ZNF223: variants seen among roughly 807,000 people sequenced by gnomAD.
ZNF223 encodes Homo sapiens zinc finger protein 223.
In ZNF223, 9 loss-of-function variants were observed where a neutral mutation model predicts 12.3. The ratio of observed to expected loss-of-function variants is 0.73; its 90% CI spans 0.44 to 1.28. The LOEUF is 1.28. Ranked by LOEUF, ZNF223 falls within the 50% of genes most tolerant of loss-of-function variation. ZNF223 has a pLI of 0.00. For missense variants in ZNF223, 506 were observed against 579.0 expected (o/e 0.87, Z 1.29); for synonymous variants, 171 against 195.2 (o/e 0.88, Z 1.03).
rs1300021733 is a variant in ZNF223, at chr19:44,055,031, A to T, written c.-68-78A>T. On this transcript the variant is annotated intron_variant, in intron 1 of 4. Coordinates refer to ENST00000434772, the MANE Select transcript of ZNF223 (RefSeq NM_013361.6). ...TGTGAGCGTTCATGTGCTAATTGAC[A>T]ATATGAGTCCTTGTTGGTGGGTGAC... The T allele has an allele frequency of 4.6e-6, 3 of 654,828 alleles. No homozygotes were observed. In the East Asian group the frequency reaches 7.9e-5, roughly 17 times the overall value. 40.6% of individuals were successfully genotyped at this position (654,828 alleles called of 1,614,324 possible).
At position 44,066,814 on chromosome 19, in the gene ZNF223, TG is replaced by T; in HGVS notation, c.988del (p.Asp330IlefsTer31). Reference protein sequence around the residue: ...GEYGKGFIRRLDLCKHQTIHT... With the variant: ...GEYGKGFIRRXDLCKHQTIHT... ...TATGGAAAAGGCTTCATTCGTAGGCTGGATTTGTGTAAGCATCAGACGATCC... is the reference window on the plus strand; with the variant it reads ...TATGGAAAAGGCTTCATTCGTAGGCTGATTTGTGTAAGCATCAGACGATCC... On this transcript the variant is annotated frameshift_variant, in exon 5 of 5. Coordinates refer to ENST00000434772, the MANE Select transcript of ZNF223 (RefSeq NM_013361.6). LOFTEE classifies it low-confidence loss of function (END_TRUNC). The T allele has an allele frequency of 6.2e-7, 1 of 1,614,064 alleles. No individual in the cohort carries two copies. The highest frequency in any genetic ancestry group is 8.5e-7 in the Non-Finnish European group (1 of 1,179,998).
chr19:44,066,744 CA>C lies in ZNF223; in HGVS notation c.917del (p.His306LeufsTer55), dbSNP rs768463152. The stretch of plus-strand genomic sequence containing the variant: ...CCGTCTTAGGTCAAGTCTTAATAGG[CA>C]TTGTGTGGTCCACACAGGAAAGAAA... ...SFRLRSSLNRHCVVHTGKKPN... is the reference protein window; with the variant it reads ...SFRLRSSLNRXCVVHTGKKPN... On this transcript the variant is annotated frameshift_variant, in exon 5 of 5. Coordinates refer to ENST00000434772, the MANE Select transcript of ZNF223 (RefSeq NM_013361.6). LOFTEE classifies it low-confidence loss of function (END_TRUNC). The C allele has an allele frequency of 8.7e-6, 14 of 1,614,210 alleles. No individual in the cohort carries two copies. Among genetic ancestry groups the C allele is most frequent in the Middle Eastern group, 1.6e-4 (1 of 6,062 alleles).
In ZNF223 at chr19:44,067,273, C is replaced by T. The variant is rs748434774; in HGVS notation, c.1445C>T (p.Thr482Met). ...ATTTTATCATTATTTTTAAATGACA[C>T]GTAAGTGTTGTACATATTTATGGGG... ...DIILSLFLND[T>M] The change falls in exon 5 of 5, where the codon ACG becomes ATG. Residue 482 changes from threonine (T) to methionine (M), a missense_variant. By Grantham distance (81) the Thr-to-Met change is moderately conservative (BLOSUM62 -1). Coordinates refer to ENST00000434772, the MANE Select transcript of ZNF223 (RefSeq NM_013361.6). 38 of 1,607,770 alleles carry T rather than the reference C, an allele frequency of 2.4e-5. No homozygotes were observed. Among genetic ancestry groups the T allele is most frequent in the South Asian group, 2.2e-4 (20 of 90,106 alleles).
rs1212870445 is a variant in ZNF223 at position 44,066,140 on chromosome 19, G to A, written c.312G>A (p.Trp104Ter). The A allele has an allele frequency of 6.2e-7, 1 of 1,614,068 alleles. No individual in the cohort carries two copies. Among genetic ancestry groups the A allele is most frequent in the East Asian group, 2.2e-5 (1 of 44,874 alleles). The change falls in exon 5 of 5, where the codon TGG (tryptophan) becomes TGA (stop). Residue 104 changes from tryptophan (W) to a stop codon, truncating the protein, a stop_gained. Coordinates refer to ENST00000434772, the MANE Select transcript of ZNF223 (RefSeq NM_013361.6). LOFTEE classifies it low-confidence loss of function (END_TRUNC). ...AAGGGTGGTCCTGCCAGCAGATCTG[G>A]GAAGAAATTGCAAGTGATTTAACCA... ...PHEGWSCQQI[W>*]EEIASDLTRP...
At chr19:44,056,360 A>AC (rs1451887068) in intron 2 of ZNF223, among the ~76,000 whole-genome samples, 256 of 70,684 alleles carry the variant, frequency 3.6e-3, no homozygotes, top group African/African-American at 0.013. Context: ...TACTAAAAAT[A>AC]CAAAAAAAAA....
Position 44,067,767 on chromosome 19 carries a change from G to T in ZNF223, c.*490G>T. Reference sequence around the variant, plus strand: ...GAGACAGGTCTTAGTATAAGAGTTTGTTCACACACTTTCAAAACACTAATG... The same window carrying T: ...GAGACAGGTCTTAGTATAAGAGTTTTTTCACACACTTTCAAAACACTAATG... On this transcript the variant is annotated 3_prime_UTR_variant, in exon 5 of 5. Transcript: ENST00000434772. 8.4e-6 allele frequency: 2 copies of T among 236,706 alleles called. No homozygotes were observed. Among genetic ancestry groups the T allele is most frequent in the East Asian group, 1.0e-4 (1 of 9,854 alleles). 14.7% of individuals were successfully genotyped at this position (236,706 alleles called of 1,614,324 possible). A position where few individuals can be genotyped will look rare whatever the true frequency, so the allele number is the denominator to read the frequency against.
At chr19:44,056,755 C>T (rs972826622) in intron 2 of ZNF223, among the ~76,000 whole-genome samples, 1 of 151,408 alleles carries the variant, frequency 6.6e-6, no homozygotes. Flanking sequence ...CACCACACAC[C>T]CGGCTAATTT....
chr19:44,067,170 A>G lies in ZNF223; in HGVS notation c.1342A>G (p.Lys448Glu), dbSNP rs1462902346. ...CCGGTCATACCGTAAAGACCAACAA[A>G]AAAACCACAGTGGAGAAAATCCATC... ...VYRSYRKDQQ[K>E]NHSGENPSKC... Residue 448 changes from lysine to glutamate, a missense_variant, in exon 5 of 5, where the codon AAA (lysine) becomes GAA (glutamate). Coordinates refer to ENST00000434772, the MANE Select transcript of ZNF223 (RefSeq NM_013361.6). 6.2e-7 allele frequency: 1 copy of G among 1,612,870 alleles called. No individual in the cohort carries two copies. The highest frequency in any genetic ancestry group is 8.5e-7 in the Non-Finnish European group (1 of 1,179,758).
At position 44,056,754 on chromosome 19, in the gene ZNF223, C is replaced by G. The variant is rs1410311137; in HGVS notation, c.15+1563C>G. Among the ~76,000 whole-genome samples the G allele has an allele frequency of 2.0e-5, 3 of 151,614 alleles. No homozygotes were observed. In the South Asian group the frequency reaches 6.3e-4, roughly 32 times the overall value. The stretch of plus-strand genomic sequence containing the variant: ...GACTACAGGCGCCCGCCACCACACA[C>G]CCGGCTAATTTTTTTGTGTGTTTTT... On this transcript the variant is annotated intron_variant, in intron 2 of 4. Transcript: ENST00000434772.
chr19:44,054,863 G>A (rs1976744850), intron 1 of ZNF223, among the ~76,000 whole-genome samples: 1 of 152,160 alleles, frequency 6.6e-6, no homozygotes, highest in African/African-American at 2.4e-5. Context: ...GTTCACGGGT[G>A]TTGTTGCATG....
chr19:44,052,940 T>C (rs1976720572), intron 1 of ZNF223, among the ~76,000 whole-genome samples: 1 of 152,312 alleles, frequency 6.6e-6, no homozygotes, highest in Non-Finnish European at 1.5e-5. Context: ...GGATAGCATA[T>C]TACCTAGCAT....
chr19:44,058,337 G>C (rs551138392), intron 2 of ZNF223, among the ~76,000 whole-genome samples: 4 of 142,618 alleles, frequency 2.8e-5, no homozygotes, highest in African/African-American at 1.0e-4. Flanking sequence ...GGCCTCCCCT[G>C]ATCTTGTTAG....
chr19:44,056,681 C>G (rs1183219032), intron 2 of ZNF223, among the ~76,000 whole-genome samples: 1 of 140,042 alleles, frequency 7.1e-6, no homozygotes, highest in Admixed American at 7.6e-5. Flanking sequence ...GCCAGCTCTG[C>G]CTCCCGGGTT....
Position 44,060,592 on chromosome 19 carries a change from G to A in ZNF223, c.142+11G>A. The A allele has an allele frequency of 1.2e-6, 2 of 1,614,048 alleles. No homozygotes were observed. Among genetic ancestry groups the A allele is most frequent in the South Asian group, 1.1e-5 (1 of 91,060 alleles). Reference sequence around the variant, plus strand: ...ACCTGCTGTCAGTGGGTGAGGACAGGCATCTTCTATAAGGGAATGTCAGGC... The same window carrying A: ...ACCTGCTGTCAGTGGGTGAGGACAGACATCTTCTATAAGGGAATGTCAGGC... On this transcript the variant is annotated intron_variant, in intron 3 of 4. Transcript: ENST00000434772.
chr19:44,062,263 T>C (rs867155584), intron 4 of ZNF223, among the ~76,000 whole-genome samples: 3 of 152,240 alleles, frequency 2.0e-5, no homozygotes, highest in Non-Finnish European at 4.4e-5. Flanking sequence ...TTCAAGTTCC[T>C]GATATATGTG....
Position 44,055,204 on chromosome 19 carries a change from T to C in ZNF223, c.15+13T>C. 1 of 1,612,836 alleles carries C rather than the reference T, an allele frequency of 6.2e-7. No individual in the cohort carries two copies. The highest frequency in any genetic ancestry group is 8.5e-7 in the Non-Finnish European group (1 of 1,179,604). The stretch of plus-strand genomic sequence containing the variant: ...GACCATGTCCAAGGTAAGTAGGACT[T>C]GCCTCTCTTACTGTTAAAATTCCAT... On this transcript the variant is annotated intron_variant, in intron 2 of 4. Coordinates refer to ENST00000434772, the MANE Select transcript of ZNF223 (RefSeq NM_013361.6).
intron 1 of ZNF223, among the ~76,000 whole-genome samples, chr19:44,053,006 TC>T (rs1174018767): frequency 1.3e-5 from 2 of 152,154 alleles, no homozygotes; most frequent in Non-Finnish European, 2.9e-5. Flanking sequence ...TCATTTAAAG[TC>T]CTTATGACTG....
At chr19:44,058,626 G>A (rs1976798729) in intron 2 of ZNF223, among the ~76,000 whole-genome samples, 1 of 152,214 alleles carries the variant, frequency 6.6e-6, no homozygotes, top group Non-Finnish European at 1.5e-5. Flanking sequence ...GAAGGCCGGA[G>A]GTGTTGGCAG....
intron 2 of ZNF223, among the ~76,000 whole-genome samples, chr19:44,058,930 AG>A (rs2049363373): frequency 6.6e-6 from 1 of 152,138 alleles, no homozygotes; most frequent in Non-Finnish European, 1.5e-5. Context: ...GGTGACATCT[AG>A]GGGCACCCCC....
Sources: allele counts gnomAD v4.1 joint callset (sites outside exome capture counted in the v4.1 genomes callset), GRCh38; gene constraint gnomAD v4.1.1; transcripts MANE v1.5; gene names NCBI Gene and HGNC (gene_info 2026-07-23, HGNC 2026-07-21).